Variants in NPEPPS observed in about 807,000 individuals in gnomAD.
The protein encoded by NPEPPS is aminopeptidase puromycin sensitive, also known as puromycin-sensitive aminopeptidase.
NPEPPS carries 14 observed loss-of-function variants against 115.5 expected under a neutral mutation model. That is an observed-to-expected ratio of 0.12 (90% confidence interval 0.08 to 0.19). The LOEUF is 0.19. NPEPPS is among the 10% of genes least tolerant of loss of function. NPEPPS has a pLI of 1.00. For synonymous variants in NPEPPS, 285 were observed against 390.6 expected, an observed-to-expected ratio of 0.73 and a Z score of 3.19; for missense variants, 523 against 1,110.8, an observed-to-expected ratio of 0.47 and a Z score of 7.52.
intron 4 of NPEPPS, 193 bp downstream of exon 4, chr17:47,579,704 G>C: frequency 2.1e-6 from 1 of 478,852 alleles, no homozygotes; most frequent in Non-Finnish European, 3.8e-6. Flanking sequence ...ATGGGTTGGG[G>C]AATGATTATA....
At chr17:47,587,502 T>C (rs1912263373) in intron 9 of NPEPPS, among the ~76,000 whole-genome samples, 158 bp downstream of exon 9, 1 of 151,730 alleles carries the variant, frequency 6.6e-6, no homozygotes, top group African/African-American at 2.4e-5. Context: ...AAAAGGCTTA[T>C]CAGAATCTCT....
At chr17:47,563,947 T>G (rs1365838746) in intron 2 of NPEPPS, among the ~76,000 whole-genome samples, 1 of 152,016 alleles carries the variant, frequency 6.6e-6, no homozygotes, top group Non-Finnish European at 1.5e-5. Flanking sequence ...ATTTTTTTTT[T>G]CTTTGAGATG....
At chr17:47,604,857 T>C (rs1261523246) in intron 16 of NPEPPS, among the ~76,000 whole-genome samples, 10 of 152,232 alleles carry the variant, frequency 6.6e-5, no homozygotes, top group Admixed American at 6.5e-4. Context: ...TTTATGTTCT[T>C]TTAGAAATGA....
intron 21 of NPEPPS, 139 bp downstream of exon 21, chr17:47,619,303 C>T (rs1238253038): frequency 1.2e-6 from 1 of 856,666 alleles, no homozygotes; most frequent in Non-Finnish European, 1.9e-6. Flanking sequence ...CCTGTAATAC[C>T]AGCACTTTGG....
intron 5 of NPEPPS, among the ~76,000 whole-genome samples, chr17:47,583,790 C>G (rs1236596519): frequency 4.6e-5 from 7 of 151,888 alleles, no homozygotes; most frequent in Admixed American, 4.6e-4. Context: ...GGTATGGTGG[C>G]ACGTGTCTGT....
chr17:47,596,570 C>T, intron 13 of NPEPPS, 108 bp downstream of exon 13: 1 of 548,062 alleles, frequency 1.8e-6, no homozygotes, highest in South Asian at 3.7e-5. Flanking sequence ...GACATTTAAA[C>T]CAGCCCTGTT....
In NPEPPS at chr17:47,601,590, T is replaced by C; in HGVS notation, c.1601-18T>C. ...TGTTTGTCCCAGTGCAAAATTTGTT[T>C]GTTCTTCTCTGGCTTAGGTGAAGAT... On this transcript the variant is annotated intron_variant, in intron 14 of 22. Coordinates refer to ENST00000322157, the MANE Select transcript of NPEPPS (RefSeq NM_006310.4). 6.2e-7 allele frequency: 1 copy of C among 1,613,022 alleles called. No individual in the cohort carries two copies. The highest frequency in any genetic ancestry group is 8.5e-7 in the Non-Finnish European group (1 of 1,179,628).
chr17:47,572,521 A>T (rs1369333456), intron 3 of NPEPPS, among the ~76,000 whole-genome samples: 1 of 152,166 alleles, frequency 6.6e-6, no homozygotes, highest in Non-Finnish European at 1.5e-5. Flanking sequence ...CTATCCTTAG[A>T]GAATTAAGAG....
At position 47,549,831 on chromosome 17, in the gene NPEPPS, G is replaced by A. The variant is rs911139625; in HGVS notation, c.340+3838G>A. Among the ~76,000 whole-genome samples the A allele has an allele frequency of 8.6e-4, 128 of 149,602 alleles. 1 individual carries two copies. Among genetic ancestry groups the A allele is most frequent in the African/African-American group, 3.0e-3 (123 of 40,800 alleles). On this transcript the variant is annotated intron_variant, in intron 2 of 22. Coordinates refer to ENST00000322157, the MANE Select transcript of NPEPPS (RefSeq NM_006310.4). ...TGGATTGGGAACAGGGATAGATTTG[G>A]CCTTCCACATGTATGTGTATATATA...
At position 47,613,636 on chromosome 17, in the gene NPEPPS, T is replaced by G. The variant is rs1914012292; in HGVS notation, c.2239-33T>G. ...TTAGAATACTTGAAACAAGGTACATTTAATCAAATGACTTATTTTTTGTCC... is the reference window on the plus strand; with the variant it reads ...TTAGAATACTTGAAACAAGGTACATGTAATCAAATGACTTATTTTTTGTCC... On this transcript the variant is annotated intron_variant, in intron 18 of 22. Transcript: ENST00000322157. 5 of 1,530,884 alleles carry G rather than the reference T, an allele frequency of 3.3e-6. No individual in the cohort carries two copies. The South Asian group carries it at 3.4e-5, about 10-fold the overall frequency. 94.8% of individuals were successfully genotyped at this position (1,530,884 alleles called of 1,614,324 possible).
chr17:47,536,703 T>G (rs1172374536), intron 1 of NPEPPS, among the ~76,000 whole-genome samples: 1 of 98,520 alleles, frequency 1.0e-5, no homozygotes, highest in Non-Finnish European at 2.1e-5. Context: ...GTGCCTGGCT[T>G]CTTTTTTTTT....
At chr17:47,576,360 C>T (rs1038961398) in intron 3 of NPEPPS, among the ~76,000 whole-genome samples, 6 of 152,214 alleles carry the variant, frequency 3.9e-5, no homozygotes, top group Admixed American at 3.9e-4. Context: ...GGCCTGGTGG[C>T]GCACGCCTGT....
chr17:47,606,079 G>A (rs1597884496), intron 17 of NPEPPS, among the ~76,000 whole-genome samples: 1 of 152,066 alleles, frequency 6.6e-6, no homozygotes, highest in East Asian at 1.9e-4. Flanking sequence ...GTTTCACCAC[G>A]TTGGTCAGGC....
intron 1 of NPEPPS, among the ~76,000 whole-genome samples, chr17:47,525,839 T>C (rs974861293): frequency 8.5e-5 from 13 of 152,276 alleles, no homozygotes; most frequent in Non-Finnish European, 1.9e-4. Context: ...GGTCCAGTAC[T>C]GAGAGTAATA....
At chr17:47,619,369 C>T (rs1444227911) in intron 21 of NPEPPS, 3 of 584,110 alleles carry the variant, frequency 5.1e-6, no homozygotes, top group Non-Finnish European at 9.2e-6. Flanking sequence ...TCCTGGCCAA[C>T]ATGGTGAAAT....
chr17:47,600,291 G>C (rs1041738163), intron 14 of NPEPPS, among the ~76,000 whole-genome samples: 1 of 152,066 alleles, frequency 6.6e-6, no homozygotes, highest in African/African-American at 2.4e-5. Context: ...AATAAAATTA[G>C]CTTGGCATGG....
chr17:47,557,760 A>T (rs1374801224), intron 2 of NPEPPS, among the ~76,000 whole-genome samples: 9 of 148,858 alleles, frequency 6.0e-5, no homozygotes, highest in Non-Finnish European at 7.5e-5. Context: ...GAGTACCTGT[A>T]ATGTTGACAT....
rs1224967682 is a variant in NPEPPS at position 47,621,966 on chromosome 17, A to G, written c.*46A>G. On this transcript the variant is annotated 3_prime_UTR_variant, in exon 23 of 23. Coordinates refer to ENST00000322157, the MANE Select transcript of NPEPPS (RefSeq NM_006310.4). ...GCGGTTCTGCTGCTTCGCTGCAGGG[A>G]TAAGGTGGAGCTACCGAACAGCTGA... 1 of 1,546,200 alleles carries G rather than the reference A, an allele frequency of 6.5e-7. No homozygotes were observed.
chr17:47,621,684 G>A, intron 22 of NPEPPS, 84 bp from the exon 23 acceptor site: 2 of 1,323,162 alleles, frequency 1.5e-6, no homozygotes, highest in Non-Finnish European at 2.1e-6. Context: ...CCTTCATATA[G>A]ACCAGTGGGT....
Sources: allele counts gnomAD v4.1 joint callset (sites outside exome capture counted in the v4.1 genomes callset), GRCh38; gene constraint gnomAD v4.1.1; transcripts MANE v1.5; gene names NCBI Gene and HGNC (gene_info 2026-07-23, HGNC 2026-07-21).